The following XYLT1 variants were observed in gnomAD, a reference collection of about 807,000 sequenced individuals.
XYLT1 encodes xylosyltransferase 1, also known as beta-D-xylosyltransferase 1.
Under a neutral mutation model 91.3 loss-of-function variants are expected in XYLT1, and 36 were observed. The ratio of observed to expected loss-of-function variants is 0.39; its 90% CI spans 0.30 to 0.52. The LOEUF (loss-of-function observed/expected upper bound fraction) is 0.52, where lower values mean the gene tolerates loss of function less well. Ranked by LOEUF, XYLT1 falls within the 20% of genes least tolerant of loss-of-function variation. The pLI, the probability that XYLT1 is intolerant of heterozygous loss-of-function variation, is 0.68. For synonymous variants in XYLT1, 588 were observed against 532.0 expected, an observed-to-expected ratio of 1.11 and a Z score of -1.45; for missense variants, 1,242 against 1,284.5, an observed-to-expected ratio of 0.97 and a Z score of 0.51.
intron 3 of XYLT1, among the ~76,000 whole-genome samples, chr16:17,203,786 GCCTC>G (rs1400095617): frequency 6.6e-6 from 1 of 152,180 alleles, no homozygotes. Flanking sequence ...ATCCAGCAAA[GCCTC>G]CAAGAGCTTA....
intron 1 of XYLT1, among the ~76,000 whole-genome samples, chr16:17,367,686 C>T (rs116430765): frequency 0.029 from 4,343 of 152,294 alleles, 193 homozygotes; most frequent in African/African-American, 0.097. Context: ...AGTTATGCAG[C>T]GAATTCACAA....
intron 2 of XYLT1, among the ~76,000 whole-genome samples, chr16:17,321,342 C>CTTTTTTTTTTTTTTTTTTTTTTTTTTT (rs10606202): frequency 4.6e-5 from 2 of 43,624 alleles, no homozygotes; most frequent in African/African-American, 8.2e-5. Context: ...ACTAACTAGC[C>CTTTTTTTTTTTTTTTTTTTTTTTTTTT]TTTTTTTTTT....
At chr16:17,258,839 A>T in intron 3 of XYLT1, 149 bp downstream of exon 3, 1 of 1,021,628 alleles carries the variant, frequency 9.8e-7, no homozygotes, top group Non-Finnish European at 1.3e-6. Flanking sequence ...AGGGAGTACT[A>T]GAACACATCA....
chr16:17,352,715 T>C (rs774304509), intron 2 of XYLT1, among the ~76,000 whole-genome samples: 1 of 152,168 alleles, frequency 6.6e-6, no homozygotes, highest in Non-Finnish European at 1.5e-5. Flanking sequence ...ACCCAGTCAC[T>C]CTCTTACAAA....
intron 2 of XYLT1, among the ~76,000 whole-genome samples, chr16:17,328,877 C>A (rs1192813120): frequency 6.6e-6 from 1 of 152,202 alleles, no homozygotes; most frequent in Admixed American, 6.5e-5. Flanking sequence ...GCTTAACTCT[C>A]CAGAAATGAG....
chr16:17,336,986 C>G (rs2034990436), intron 2 of XYLT1, among the ~76,000 whole-genome samples: 1 of 152,176 alleles, frequency 6.6e-6, no homozygotes, highest in Non-Finnish European at 1.5e-5. Context: ...TGGACACTAT[C>G]ATAGCATTTT....
At chr16:17,343,618 G>A (rs1316224282) in intron 2 of XYLT1, among the ~76,000 whole-genome samples, 2 of 152,096 alleles carry the variant, frequency 1.3e-5, no homozygotes, top group African/African-American at 4.8e-5. Context: ...CTAAAAGCAC[G>A]GGCCACTACA....
chr16:17,166,397 G>T (rs1259735466), intron 5 of XYLT1, among the ~76,000 whole-genome samples: 1 of 152,130 alleles, frequency 6.6e-6, no homozygotes, highest in Admixed American at 6.5e-5. Flanking sequence ...TGCTAAGTAA[G>T]TATTCACTGC....
chr16:17,407,937 C>T (rs2036055090), intron 1 of XYLT1, among the ~76,000 whole-genome samples: 1 of 152,094 alleles, frequency 6.6e-6, no homozygotes, highest in South Asian at 2.1e-4. Flanking sequence ...AACAGTCTGG[C>T]CTTCCCCTCC....
At chr16:17,387,334 A>G (rs76278496) in intron 1 of XYLT1, among the ~76,000 whole-genome samples, 12,676 of 152,192 alleles carry the variant, frequency 0.083, 754 homozygotes, top group African/African-American at 0.16. Flanking sequence ...ACACTGCTTC[A>G]CTAGACTACC....
chr16:17,320,835 G>A (rs2034708019), intron 2 of XYLT1, among the ~76,000 whole-genome samples: 2 of 122,136 alleles, frequency 1.6e-5, no homozygotes, highest in South Asian at 4.9e-4. Context: ...CCACGGAAAT[G>A]AGGTTAATGA....
intron 1 of XYLT1, among the ~76,000 whole-genome samples, chr16:17,445,229 T>C (rs4780689): frequency 0.57 from 86,866 of 152,110 alleles, 28,461 homozygotes; most frequent in African/African-American, 0.89. Flanking sequence ...AGCCTGAGCT[T>C]AAGAGATCTT....
chr16:17,300,451 T>C (rs1332328801), intron 2 of XYLT1, among the ~76,000 whole-genome samples: 1 of 115,134 alleles, frequency 8.7e-6, no homozygotes, highest in African/African-American at 3.3e-5. Flanking sequence ...TTTCATTCTT[T>C]CTTTTTTTTT....
In XYLT1 at chr16:17,438,614, T is replaced by G. The variant is rs114612493; in HGVS notation, c.363+31820A>C. 1.1e-3 allele frequency among the ~76,000 whole-genome samples: 174 copies of G among 152,222 alleles called. 1 individual carries two copies. The highest frequency in any genetic ancestry group is 4.1e-3 in the African/African-American group (169 of 41,552). On this transcript the variant is annotated intron_variant, in intron 1 of 11. Coordinates refer to ENST00000261381, the MANE Select transcript of XYLT1 (RefSeq NM_022166.4). ...GAACAACTTGAGACTGGATAATTTA[T>G]GAAGAAAAGAGATTTAATTGACTCA...
intron 1 of XYLT1, among the ~76,000 whole-genome samples, chr16:17,431,833 G>A (rs1241875514): frequency 6.6e-6 from 1 of 152,232 alleles, no homozygotes; most frequent in East Asian, 1.9e-4. Context: ...GAAGGAGATG[G>A]ACTGCAGGGG....
chr16:17,261,054 C>T (rs2033714621), intron 2 of XYLT1, among the ~76,000 whole-genome samples: 1 of 151,956 alleles, frequency 6.6e-6, no homozygotes, highest in Non-Finnish European at 1.5e-5. Context: ...GTCAACATGG[C>T]AAAACCCCAT....
intron 2 of XYLT1, among the ~76,000 whole-genome samples, chr16:17,326,520 CAAA>C (rs1192099797): frequency 2.0e-5 from 3 of 152,060 alleles, no homozygotes; most frequent in Non-Finnish European, 4.4e-5. Context: ...AGACCCAAGG[CAAA>C]ATAAAAACAC....
intron 10 of XYLT1, among the ~76,000 whole-genome samples, chr16:17,124,203 G>A (rs1442979515): frequency 6.6e-6 from 1 of 152,116 alleles, no homozygotes; most frequent in African/African-American, 2.4e-5. Flanking sequence ...TTGTTTCATT[G>A]TGTTGTTTTG....
intron 3 of XYLT1, among the ~76,000 whole-genome samples, chr16:17,258,471 T>C (rs954352056): frequency 1.4e-5 from 2 of 142,612 alleles, no homozygotes; most frequent in African/African-American, 5.2e-5. Flanking sequence ...AATAAAGGAA[T>C]GAGAAGGAAA....
Sources: gnomAD v4.1 joint callset for allele counts (sites outside exome capture counted in the v4.1 genomes callset) on GRCh38, gnomAD v4.1.1 for gene constraint, MANE v1.5 for transcripts, NCBI Gene and HGNC (gene_info 2026-07-23, HGNC 2026-07-21) for gene names.